The following DENND5A variants were observed in gnomAD, a reference collection of about 807,000 sequenced individuals.
DENND5A encodes DENN domain containing 5A.
DENND5A carries 64 observed loss-of-function variants against 140.3 expected under a neutral mutation model. That is an observed-to-expected ratio of 0.46 (90% confidence interval 0.37 to 0.56). The LOEUF (loss-of-function observed/expected upper bound fraction) is 0.56. Ranked by LOEUF, DENND5A falls within the 20% of genes least tolerant of loss-of-function variation. The pLI, the probability that DENND5A is intolerant of heterozygous loss-of-function variation, is 0.00. For synonymous variants in DENND5A, 605 were observed against 607.7 expected, an observed-to-expected ratio of 1.00 and a Z score of 0.07; for missense variants, 1,292 against 1,593.8, an observed-to-expected ratio of 0.81 and a Z score of 3.22.
chr11:9,167,157 TCCTCTCAGTAGGTTCATAA>T (rs1196270894), intron 10 of DENND5A, among the ~76,000 whole-genome samples: 1 of 152,090 alleles, frequency 6.6e-6, no homozygotes, highest in Non-Finnish European at 1.5e-5. Flanking sequence ...CAATCTGATA[TCCTCTCAGTAGGTTCATAA>T]CCAACATTTT....
At position 9,250,043 on chromosome 11, in the gene DENND5A, T is replaced by TAAAA. The variant is rs145412972; in HGVS notation, c.109+14917_109+14918insTTTT. 6.0e-3 allele frequency among the ~76,000 whole-genome samples: 696 copies of TAAAA among 115,458 alleles called. 4 individuals carry two copies. The highest frequency in any genetic ancestry group is 0.02 in the African/African-American group (651 of 31,938). The allele number at this position is 115,458 out of a possible 152,430, so 75.7% of individuals were successfully genotyped here. A position where few individuals can be genotyped will look rare whatever the true frequency, so the allele number is the denominator to read the frequency against. Reference sequence around the variant, plus strand: ...GTGTTCATGCCTTTAAAAATAAAATTTAAAAAAAAAAAAAAAATCCTTAAA... The same window carrying TAAAA: ...GTGTTCATGCCTTTAAAAATAAAATTAAAATAAAAAAAAAAAAAAAATCCTTAAA... On this transcript the variant is annotated intron_variant, in intron 1 of 22. Transcript: ENST00000328194.
rs779362007 is a variant in DENND5A, at chr11:9,207,579, T to C, written c.163A>G (p.Ile55Val). 3.7e-6 allele frequency: 6 copies of C among 1,613,360 alleles called. No individual in the cohort carries two copies. Among genetic ancestry groups the C allele is most frequent in the Non-Finnish European group, 4.2e-6 (5 of 1,179,462 alleles). ...SKARDGASPF[I>V]SSTTEGENFE... ...TTTTTACCTTCAGTCGTACTTGAAA[T>C]GAAAGGGCTGGCACCATCCCTGGCT... Residue 55 changes from isoleucine to valine, a missense_variant, in exon 2 of 23, where the codon ATT (isoleucine) becomes GTT (valine). Ile to Val is a conservative substitution (Grantham distance 29). Transcript: ENST00000328194.
intron 8 of DENND5A, chr11:9,176,968 A>G: frequency 4.4e-6 from 2 of 455,844 alleles, no homozygotes; most frequent in South Asian, 3.1e-5. Flanking sequence ...AAAGTGGGAA[A>G]AATAGGCTGG....
At chr11:9,160,575 G>A (rs957972763) in intron 12 of DENND5A, 138 bp downstream of exon 12, 14 of 596,646 alleles carry the variant, frequency 2.3e-5, no homozygotes, top group Middle Eastern at 2.8e-4. Context: ...TTATTTAATT[G>A]TTTATTTCAA....
At position 9,203,715 on chromosome 11, in the gene DENND5A, C is replaced by A. The variant is rs755453624; in HGVS notation, c.894G>T (p.Val298=). 1 of 1,614,152 alleles carries A rather than the reference C, an allele frequency of 6.2e-7. No homozygotes were observed. Among genetic ancestry groups the A allele is most frequent in the Non-Finnish European group, 8.5e-7 (1 of 1,180,026 alleles). ...GAAGGGCACAAGTAAAAAGCTGAAACACATTCTCCACCCCGAGCAGTTCAA... is the reference window on the plus strand; with the variant it reads ...GAAGGGCACAAGTAAAAAGCTGAAAAACATTCTCCACCCCGAGCAGTTCAA... ...EVFELLGVEN[V]FQLFTCALLE... Residue 298 remains valine (V), a synonymous_variant, in exon 4 of 23, where the codon GTG becomes GTT. Transcript: ENST00000328194.
intron 1 of DENND5A, among the ~76,000 whole-genome samples, chr11:9,247,564 A>C (rs1488862004): frequency 6.6e-6 from 1 of 150,856 alleles, no homozygotes; most frequent in Non-Finnish European, 1.5e-5. Flanking sequence ...CTAGTGAAGA[A>C]AAAAAAAAAC....
chr11:9,142,231 T>A (rs1847270604), intron 21 of DENND5A, 123 bp from the exon 22 acceptor site: 1 of 681,800 alleles, frequency 1.5e-6, no homozygotes, highest in Non-Finnish European at 2.3e-6. Context: ...ATAGCACAAG[T>A]GTTCTGATGT....
intron 1 of DENND5A, among the ~76,000 whole-genome samples, chr11:9,207,835 C>G (rs1435823079): frequency 6.6e-6 from 1 of 151,950 alleles, no homozygotes; most frequent in African/African-American, 2.4e-5. Context: ...CTCATATTTC[C>G]TACTCTATAT....
chr11:9,203,201 T>C (rs1420263971), intron 4 of DENND5A, among the ~76,000 whole-genome samples: 1 of 152,210 alleles, frequency 6.6e-6, no homozygotes, highest in Non-Finnish European at 1.5e-5. Context: ...CAACCTCCCA[T>C]TTATGAAAAC....
intron 1 of DENND5A, among the ~76,000 whole-genome samples, chr11:9,262,511 G>C (rs1403451930): frequency 6.6e-6 from 1 of 152,130 alleles, no homozygotes; most frequent in Non-Finnish European, 1.5e-5. Flanking sequence ...GTCATGAGAA[G>C]AGCACTGGAC....
At position 9,148,730 on chromosome 11, in the gene DENND5A, G is replaced by A. The variant is rs574194413; in HGVS notation, c.2735+1351C>T. Among the ~76,000 whole-genome samples, 3 of 152,322 alleles carry A rather than the reference G, an allele frequency of 2.0e-5. No individual in the cohort carries two copies. In the East Asian group the frequency reaches 5.8e-4, roughly 29 times the overall value. ...CTGAGAGTAAAGTAGTTATGGTGAAGACTCTGTGAAGCTTGCTTTTGTTCT... is the reference window on the plus strand; with the variant it reads ...CTGAGAGTAAAGTAGTTATGGTGAAAACTCTGTGAAGCTTGCTTTTGTTCT... On this transcript the variant is annotated intron_variant, in intron 15 of 22. Coordinates refer to ENST00000328194, the MANE Select transcript of DENND5A (RefSeq NM_015213.4).
At chr11:9,227,501 C>T (rs144741914) in intron 1 of DENND5A, among the ~76,000 whole-genome samples, 7 of 152,314 alleles carry the variant, frequency 4.6e-5, no homozygotes, top group African/African-American at 1.4e-4. Flanking sequence ...TCTGAAAGGG[C>T]ATCTCATCCA....
In DENND5A at chr11:9,147,064, A is replaced by G; in HGVS notation, c.2823T>C (p.Asp941=). The G allele has an allele frequency of 6.2e-7, 1 of 1,614,206 alleles. No homozygotes were observed. Among genetic ancestry groups the G allele is most frequent in the South Asian group, 1.1e-5 (1 of 91,086 alleles). The change falls in exon 16 of 23, where the codon GAT becomes GAC. Residue 941 remains aspartate (D), a synonymous_variant. Coordinates refer to ENST00000328194, the MANE Select transcript of DENND5A (RefSeq NM_015213.4). ...TGAAGACATTGGTGAAGCAAAAGTA[A>G]TCGACGGCATTGAAAGACAGGAGGT... is the stretch of plus-strand genomic sequence containing the variant. ...LYHLLSFNAV[D]YFCFTNVFTT...
At chr11:9,259,768 C>G (rs572122431) in intron 1 of DENND5A, among the ~76,000 whole-genome samples, 1 of 152,084 alleles carries the variant, frequency 6.6e-6, no homozygotes, top group Non-Finnish European at 1.5e-5. Flanking sequence ...GCGGCTCACA[C>G]CTGTAATCCC....
chr11:9,153,003 AAAAAAAAC>A (rs1188883875), intron 12 of DENND5A, among the ~76,000 whole-genome samples: 3 of 149,184 alleles, frequency 2.0e-5, no homozygotes, highest in Non-Finnish European at 4.4e-5. Flanking sequence ...GTCTCAAAAA[AAAAAAAAC>A]AAAAAAGAAA....
chr11:9,154,849 T>TA (rs1016631197), intron 12 of DENND5A, among the ~76,000 whole-genome samples: 61 of 145,822 alleles, frequency 4.2e-4, no homozygotes, highest in South Asian at 8.7e-4. Flanking sequence ...TTAAAAAACT[T>TA]AAAAAAAAAA....
intron 22 of DENND5A, chr11:9,140,324 C>T: frequency 1.4e-6 from 1 of 737,290 alleles, no homozygotes; most frequent in African/African-American, 1.8e-5. Flanking sequence ...AGTTAAGTAG[C>T]TTGTCCAAGA....
chr11:9,141,127 AAAAT>A (rs35402073), intron 22 of DENND5A, among the ~76,000 whole-genome samples: 11,743 of 151,580 alleles, frequency 0.077, 489 homozygotes, highest in South Asian at 0.11. Flanking sequence ...ACTCCATCTC[AAAAT>A]AAATAAATAA....
chr11:9,172,431 T>C (rs892393832), intron 8 of DENND5A, among the ~76,000 whole-genome samples: 4 of 152,174 alleles, frequency 2.6e-5, no homozygotes, highest in African/African-American at 9.7e-5. Context: ...GGAAGTGTAA[T>C]ATGGTTTGGC....
Sources: allele counts gnomAD v4.1 joint callset (sites outside exome capture counted in the v4.1 genomes callset), GRCh38; gene constraint gnomAD v4.1.1; transcripts MANE v1.5; gene names NCBI Gene and HGNC (gene_info 2026-07-23, HGNC 2026-07-21).